CDC14A: variants seen among roughly 807,000 people sequenced by gnomAD.
CDC14A encodes the protein dual specificity protein phosphatase CDC14A.
Under a neutral mutation model 74.4 loss-of-function variants are expected in CDC14A, and 53 were observed. The observed-to-expected ratio is 0.71, with a 90% CI of 0.57 to 0.89. The LOEUF is 0.89. CDC14A is among the 40% of genes least tolerant of loss of function. The pLI is 0.00. For missense variants in CDC14A, 646 were observed against 713.7 expected (o/e 0.91, Z 1.08); for synonymous variants, 247 against 258.4 (o/e 0.96, Z 0.43).
At chr1:100,434,691 T>C (rs1331755374) in intron 5 of CDC14A, among the ~76,000 whole-genome samples, 2 of 152,084 alleles carry the variant, frequency 1.3e-5, no homozygotes, top group African/African-American at 4.8e-5. Context: ...TGGGAGCTTT[T>C]ACCCAGACAG....
At chr1:100,374,894 T>C (rs1655018752) in intron 2 of CDC14A, among the ~76,000 whole-genome samples, 1 of 152,256 alleles carries the variant, frequency 6.6e-6, no homozygotes, top group African/African-American at 2.4e-5. Flanking sequence ...TGAATACTTG[T>C]TTCTGCTTTT....
intron 7 of CDC14A, among the ~76,000 whole-genome samples, chr1:100,454,892 T>C (rs1016894037): frequency 6.6e-6 from 1 of 152,070 alleles, no homozygotes. Flanking sequence ...TGCGCCAATA[T>C]CACTCGCTCC....
At chr1:100,420,082 A>ATATATGT (rs58124351) in intron 4 of CDC14A, among the ~76,000 whole-genome samples, 1 of 105,526 alleles carries the variant, frequency 9.5e-6, no homozygotes, top group African/African-American at 3.3e-5. Flanking sequence ...ATATATATAT[A>ATATATGT]GTGTGTATGT....
intron 5 of CDC14A, among the ~76,000 whole-genome samples, chr1:100,426,750 A>G (rs1663007958): frequency 6.6e-6 from 1 of 152,166 alleles, no homozygotes; most frequent in Admixed American, 6.5e-5. Context: ...GTAAATGAAG[A>G]TATGCACCCA....
chr1:100,436,158 C>T (rs1249166571), intron 5 of CDC14A, among the ~76,000 whole-genome samples: 1 of 152,160 alleles, frequency 6.6e-6, no homozygotes. Context: ...TAGAAGGGAT[C>T]TTCCAATTCC....
chr1:100,470,456 GAA>G (rs965511145), intron 10 of CDC14A, among the ~76,000 whole-genome samples: 1 of 149,638 alleles, frequency 6.7e-6, no homozygotes, highest in African/African-American at 2.5e-5. Flanking sequence ...AAAAAAGAAA[GAA>G]AAAAAAACTT....
intron 2 of CDC14A, among the ~76,000 whole-genome samples, chr1:100,370,311 G>A (rs1437145616): frequency 6.8e-6 from 1 of 147,418 alleles, no homozygotes; most frequent in Non-Finnish European, 1.5e-5. Context: ...TTGTAGAGAT[G>A]GAGTCTCCCT....
At position 100,388,659 on chromosome 1, in the gene CDC14A, T is replaced by G. The variant is rs148820397; in HGVS notation, c.217-2073T>G. Among the ~76,000 whole-genome samples the G allele has an allele frequency of 2.0e-3, 305 of 152,312 alleles. 1 individual carries two copies. The highest frequency in any genetic ancestry group is 3.3e-3 in the Admixed American group (50 of 15,300). On this transcript the variant is annotated intron_variant, in intron 3 of 15. Transcript: ENST00000336454. ...TCTTGTTCTGTTGCCCAGGCTGTACTGCTGTGGTGTGATCATGGCTCACTG... is the reference window on the plus strand; with the variant it reads ...TCTTGTTCTGTTGCCCAGGCTGTACGGCTGTGGTGTGATCATGGCTCACTG...
At chr1:100,433,573 T>C (rs1663971077) in intron 5 of CDC14A, among the ~76,000 whole-genome samples, 1 of 152,214 alleles carries the variant, frequency 6.6e-6, no homozygotes, top group Non-Finnish European at 1.5e-5. Flanking sequence ...CTTAGTCTCT[T>C]TTCTATCAGC....
intron 12 of CDC14A, among the ~76,000 whole-genome samples, chr1:100,495,659 G>GT (rs1647674476): frequency 6.6e-6 from 1 of 152,196 alleles, no homozygotes; most frequent in Admixed American, 6.5e-5. Flanking sequence ...GCAGAAGGAT[G>GT]TTTTGCCGGT....
At chr1:100,438,367 C>T (rs956505424) in intron 5 of CDC14A, among the ~76,000 whole-genome samples, 1 of 152,274 alleles carries the variant, frequency 6.6e-6, no homozygotes, top group South Asian at 2.1e-4. Context: ...CAGGCTTCCT[C>T]AGGTCACTGA....
chr1:100,375,428 T>G (rs1655097886), intron 2 of CDC14A, among the ~76,000 whole-genome samples: 2 of 152,162 alleles, frequency 1.3e-5, no homozygotes, highest in Admixed American at 1.3e-4. Context: ...GAACTGAGAC[T>G]TTATGAAGAC....
chr1:100,464,053 C>G (rs1019810570), intron 9 of CDC14A, among the ~76,000 whole-genome samples: 1 of 152,166 alleles, frequency 6.6e-6, no homozygotes, highest in Non-Finnish European at 1.5e-5. Context: ...TTGGTTCTGA[C>G]AGAAATTAAA....
chr1:100,381,099 A>G (rs1236434597), intron 3 of CDC14A, among the ~76,000 whole-genome samples: 1 of 152,166 alleles, frequency 6.6e-6, no homozygotes, highest in African/African-American at 2.4e-5. Flanking sequence ...GGAGGATGTC[A>G]TGTATCTTTG....
chr1:100,408,259 A>G (rs934264158), intron 4 of CDC14A, among the ~76,000 whole-genome samples: 35 of 152,186 alleles, frequency 2.3e-4, no homozygotes, highest in African/African-American at 7.5e-4. Context: ...ATTCTTTTCA[A>G]TGACTGCATA....
Position 100,508,702 on chromosome 1 carries a change from C to T in CDC14A, c.1755+9440C>T, listed in dbSNP as rs1046525904. Among the ~76,000 whole-genome samples, 14 of 152,180 alleles carry T rather than the reference C, an allele frequency of 9.2e-5. No homozygotes were observed. Among genetic ancestry groups the T allele is most frequent in the African/African-American group, 2.9e-4 (12 of 41,446 alleles). ...GGCAATGGTCCCAATTTCTCTCAGC[C>T]TCCTTCCCCATGTGGGAGAGCCTGA... On this transcript the variant is annotated intron_variant, in intron 15 of 15. Coordinates refer to ENST00000336454, the MANE Select transcript of CDC14A (RefSeq NM_003672.4). This position sits in a 1 kb window ranked among gnomAD's most constrained non-coding sequence, Gnocchi z 4.4.
intron 4 of CDC14A, among the ~76,000 whole-genome samples, chr1:100,399,164 T>A (rs1194902633): frequency 6.6e-6 from 1 of 152,156 alleles, no homozygotes; most frequent in Non-Finnish European, 1.5e-5. Context: ...GAATTATTTA[T>A]TAGGTGTGAT....
At chr1:100,490,551 C>T (rs898850574) in intron 11 of CDC14A, among the ~76,000 whole-genome samples, 11 of 152,080 alleles carry the variant, frequency 7.2e-5, no homozygotes, top group African/African-American at 2.4e-4. Flanking sequence ...GTCTGAACTC[C>T]CATGTGGTTT....
At chr1:100,400,845 T>G (rs951531464) in intron 4 of CDC14A, among the ~76,000 whole-genome samples, 1 of 152,198 alleles carries the variant, frequency 6.6e-6, no homozygotes, top group Non-Finnish European at 1.5e-5. Context: ...ATTTATCAAG[T>G]TAAGGTGCAT....
Sources: allele counts gnomAD v4.1 joint callset (sites outside exome capture counted in the v4.1 genomes callset), GRCh38; gene constraint gnomAD v4.1.1; non-coding constraint Gnocchi (gnomAD v3.1); transcripts MANE v1.5; gene names NCBI Gene and HGNC (gene_info 2026-07-23, HGNC 2026-07-21).